Variants in SYNRG observed in about 807,000 individuals in gnomAD.
The protein encoded by SYNRG is AP1 gamma subunit binding protein 1.
In SYNRG, 37 loss-of-function variants were observed where a neutral mutation model predicts 130.9. The observed-to-expected ratio is 0.28, with a 90% CI of 0.22 to 0.37. The LOEUF (loss-of-function observed/expected upper bound fraction) is 0.37. Among genes scored for constraint, SYNRG ranks in the 10% least tolerant of loss-of-function variants. The probability of loss-of-function intolerance (pLI) is 1.00; values close to 1 mark genes in which losing one functional copy is unlikely to be tolerated. For missense variants in SYNRG, 1,338 were observed against 1,588.9 expected (o/e 0.84, Z 2.68); for synonymous variants, 539 against 568.1 (o/e 0.95, Z 0.73).
chr17:37,519,196 T>C (rs2143499096), intron 21 of SYNRG, 125 bp from the exon 22 acceptor site: 1 of 1,281,058 alleles, frequency 7.8e-7, no homozygotes, highest in South Asian at 1.4e-5. Flanking sequence ...GGCACACACA[T>C]AAAAGCTGAG....
Position 37,577,596 on chromosome 17 carries a change from TCTC to T in SYNRG, c.604_606del (p.Glu202del), listed in dbSNP as rs1568456770. 2 of 1,614,084 alleles carry T rather than the reference TCTC, an allele frequency of 1.2e-6. No homozygotes were observed. The highest frequency in any genetic ancestry group is 1.7e-5 in the Admixed American group (1 of 60,004). On this transcript the variant is annotated inframe_deletion, in exon 7 of 22. Transcript: ENST00000612223. ...CTTATATCACAAGATACTAGGAACTTCTCCTCCAAGGAAGGGCCTAAACAAAGA... is the reference window on the plus strand; with the variant it reads ...CTTATATCACAAGATACTAGGAACTTCTCCAAGGAAGGGCCTAAACAAAGA...
Position 37,542,391 on chromosome 17 carries a change from T to C in SYNRG, c.2783A>G (p.Lys928Arg). 3 of 1,614,194 alleles carry C rather than the reference T, an allele frequency of 1.9e-6. No homozygotes were observed. Among genetic ancestry groups the C allele is most frequent in the Non-Finnish European group, 2.5e-6 (3 of 1,180,046 alleles). ...GSPSATSILQ[K>R]KETSFGSSEN... ...AGAACTGCCAAATGAAGTCTCTTTC[T>C]TTTGAAGAATTGAGGTGGCTGAGGG... is the stretch of plus-strand genomic sequence containing the variant. Residue 928 changes from lysine to arginine, a missense_variant, in exon 15 of 22, where the codon AAG (lysine) becomes AGG (arginine). Transcript: ENST00000612223.
At chr17:37,520,263 C>T (rs1326583950) in intron 20 of SYNRG, 49 bp from the exon 21 acceptor site, 2 of 1,611,094 alleles carry the variant, frequency 1.2e-6, no homozygotes, top group South Asian at 2.2e-5. Context: ...AGAACAGGGC[C>T]TCTTGCCTCC....
At chr17:37,590,823 G>T (rs2062111100) in intron 3 of SYNRG, among the ~76,000 whole-genome samples, 1 of 152,044 alleles carries the variant, frequency 6.6e-6, no homozygotes, top group Non-Finnish European at 1.5e-5. Context: ...GGGATGCTGA[G>T]GCAGGAGAAT....
chr17:37,529,540 A>C (rs1413113779), intron 19 of SYNRG, among the ~76,000 whole-genome samples: 1 of 26,688 alleles, frequency 3.7e-5, no homozygotes, highest in Non-Finnish European at 1.7e-4. Context: ...ATATTTTACA[A>C]AAAAAAAAAA....
At chr17:37,545,161 G>C (rs1288690606) in intron 14 of SYNRG, among the ~76,000 whole-genome samples, 1 of 151,956 alleles carries the variant, frequency 6.6e-6, no homozygotes, top group Non-Finnish European at 1.5e-5. Flanking sequence ...AGAGGTTGCA[G>C]TGAGCTGAGA....
At chr17:37,600,243 T>G in intron 2 of SYNRG, 120 bp downstream of exon 2, 3 of 813,284 alleles carry the variant, frequency 3.7e-6, no homozygotes, top group Non-Finnish European at 5.6e-6. Flanking sequence ...GGTTTAAGAG[T>G]GCAGAAAATT....
At chr17:37,580,870 A>G (rs1456685210) in intron 6 of SYNRG, among the ~76,000 whole-genome samples, 1 of 152,062 alleles carries the variant, frequency 6.6e-6, no homozygotes, top group Admixed American at 6.6e-5. Context: ...GGGTTTCTCC[A>G]TATCGGCCAG....
intron 21 of SYNRG, 49 bp from the exon 22 acceptor site, chr17:37,519,120 C>G: frequency 1.3e-6 from 2 of 1,594,408 alleles, no homozygotes; most frequent in Non-Finnish European, 1.7e-6. Context: ...TTTTCTGCAT[C>G]TCAGAGCTTT....
chr17:37,541,831 T>G lies in SYNRG; in HGVS notation c.3202+141A>C, dbSNP rs143705809. 4.6e-4 allele frequency: 368 copies of G among 793,686 alleles called. No homozygotes were observed. In the African/African-American group the frequency reaches 5.9e-3, roughly 13 times the overall value. The allele number at this position is 793,686 out of a possible 1,614,324, so 49.2% of individuals were successfully genotyped here. A position where few individuals can be genotyped will look rare whatever the true frequency, so the allele number is the denominator to read the frequency against. ...GTCTCAGGGAAATCTTTATTATAGCTATCTGTAATTGACCCTGATTTCAAA... is the reference window on the plus strand; with the variant it reads ...GTCTCAGGGAAATCTTTATTATAGCGATCTGTAATTGACCCTGATTTCAAA... On this transcript the variant is annotated intron_variant, in intron 15 of 21. Coordinates refer to ENST00000612223, the MANE Select transcript of SYNRG (RefSeq NM_007247.6).
intron 6 of SYNRG, among the ~76,000 whole-genome samples, chr17:37,582,943 G>A (rs1402912254): frequency 2.6e-5 from 4 of 151,908 alleles, no homozygotes; most frequent in Non-Finnish European, 5.9e-5. Flanking sequence ...GGTGCCTTTG[G>A]TGGTAGAATG....
At chr17:37,529,760 A>G (rs1245000582) in intron 19 of SYNRG, 1 of 1,549,622 alleles carries the variant, frequency 6.5e-7, no homozygotes, top group Non-Finnish European at 8.7e-7. Context: ...AAGCTTGGCA[A>G]GTACGCCTGG....
intron 1 of SYNRG, among the ~76,000 whole-genome samples, chr17:37,601,846 G>C (rs1012181758): frequency 2.6e-5 from 4 of 151,820 alleles, no homozygotes; most frequent in African/African-American, 9.7e-5. Flanking sequence ...TGTATTTTCA[G>C]TAGAGACAGG....
rs559536269 is a variant in SYNRG at position 37,553,850 on chromosome 17, A to T, written c.1873T>A (p.Cys625Ser). The T allele has an allele frequency of 1.9e-6, 3 of 1,612,562 alleles. No individual in the cohort carries two copies. In the East Asian group the frequency reaches 6.7e-5, roughly 36 times the overall value. Residue 625 changes from cysteine to serine, a missense_variant, in exon 14 of 22, where the codon TGC becomes AGC. Coordinates refer to ENST00000612223, the MANE Select transcript of SYNRG (RefSeq NM_007247.6). ...ADLDMFSSVN[C>S]SSEKPLSFSA... The stretch of plus-strand genomic sequence containing the variant: ...AAAGACAATGGTTTCTCGCTGCTGC[A>T]ATTAACTGAGGAAAACATATCTAGG...
At chr17:37,585,707 GT>G (rs2061643195) in intron 4 of SYNRG, among the ~76,000 whole-genome samples, 1 of 152,138 alleles carries the variant, frequency 6.6e-6, no homozygotes, top group African/African-American at 2.4e-5. Context: ...GCATATAAAA[GT>G]ATTCTCGAAA....
chr17:37,551,041 G>T (rs2058673486), intron 14 of SYNRG, among the ~76,000 whole-genome samples: 1 of 152,190 alleles, frequency 6.6e-6, no homozygotes, highest in Non-Finnish European at 1.5e-5. Flanking sequence ...AGAGTTAAAA[G>T]AGACAGTATC....
intron 3 of SYNRG, among the ~76,000 whole-genome samples, chr17:37,595,522 A>G (rs2062686076): frequency 6.6e-6 from 1 of 152,180 alleles, no homozygotes; most frequent in Non-Finnish European, 1.5e-5. Context: ...GAAGGGTTGA[A>G]AAACTACCTG....
intron 19 of SYNRG, among the ~76,000 whole-genome samples, chr17:37,529,551 A>AG (rs1055014729): frequency 7.3e-5 from 11 of 150,610 alleles, no homozygotes; most frequent in South Asian, 2.1e-4. Context: ...AAAAAAAAAA[A>AG]AAAAGAAAAG....
intron 1 of SYNRG, among the ~76,000 whole-genome samples, chr17:37,605,185 G>C (rs910031792): frequency 6.6e-6 from 1 of 152,164 alleles, no homozygotes; most frequent in East Asian, 1.9e-4. Flanking sequence ...ACTGCAATGA[G>C]GTATGCCTGT....
Sources: allele counts gnomAD v4.1 joint callset (sites outside exome capture counted in the v4.1 genomes callset), GRCh38; gene constraint gnomAD v4.1.1; transcripts MANE v1.5; gene names NCBI Gene and HGNC (gene_info 2026-07-23, HGNC 2026-07-21).